The following ROBO2 variants were observed in gnomAD, a reference collection of about 807,000 sequenced individuals.
ROBO2 encodes roundabout homolog 2.
A neutral mutation model predicts 160.8 loss-of-function variants in ROBO2; 53 were observed. The observed-to-expected ratio is 0.33, with a 90% CI of 0.26 to 0.41. The LOEUF is 0.41. Ranked by LOEUF, ROBO2 falls within the 10% of genes least tolerant of loss-of-function variation. ROBO2 has a pLI of 1.00. For missense variants in ROBO2, 1,577 were observed against 1,722.4 expected (o/e 0.92, Z 1.49); for synonymous variants, 664 against 611.7 (o/e 1.09, Z -1.26).
At chr3:77,477,253 T>C (rs1283047352) in intron 2 of ROBO2, among the ~76,000 whole-genome samples, 161 bp from the exon 3 acceptor site, 2 of 152,208 alleles carry the variant, frequency 1.3e-5, no homozygotes, top group African/African-American at 2.4e-5. Context: ...ATCATTTATG[T>C]TGGCTCCAGA....
intron 2 of ROBO2, among the ~76,000 whole-genome samples, chr3:76,896,105 G>A (rs1486428952): frequency 6.6e-6 from 1 of 152,158 alleles, no homozygotes; most frequent in Non-Finnish European, 1.5e-5. Flanking sequence ...GCCTCTGGCA[G>A]AAAGAAAAAC....
At chr3:76,712,972 G>A (rs1021344699) in intron 2 of ROBO2, among the ~76,000 whole-genome samples, 1 of 152,070 alleles carries the variant, frequency 6.6e-6, no homozygotes, top group African/African-American at 2.4e-5. Context: ...GTTTCACAAG[G>A]AGTAAGGACA....
chr3:76,408,897 G>A (rs551174241), intron 2 of ROBO2, among the ~76,000 whole-genome samples: 1 of 151,948 alleles, frequency 6.6e-6, no homozygotes, highest in Non-Finnish European at 1.5e-5. Flanking sequence ...GCCCACTGAA[G>A]TCACTAGCTA....
intron 2 of ROBO2, among the ~76,000 whole-genome samples, chr3:76,466,609 A>AT (rs1003653058): frequency 1.3e-4 from 20 of 151,762 alleles, no homozygotes; most frequent in Non-Finnish European, 4.4e-5. Flanking sequence ...ATTCCTTACG[A>AT]TTTTTTCATA....
At chr3:77,049,446 T>TG (rs1291188790) in intron 1 of ROBO2, among the ~76,000 whole-genome samples, 2 of 152,182 alleles carry the variant, frequency 1.3e-5, no homozygotes, top group African/African-American at 2.4e-5. Context: ...TGTTTTGGTG[T>TG]GGGTTCAATG....
At chr3:77,193,284 A>T (rs969835731) in intron 2 of ROBO2, among the ~76,000 whole-genome samples, 5 of 151,832 alleles carry the variant, frequency 3.3e-5, no homozygotes, top group Non-Finnish European at 7.4e-5. Context: ...TCAAAAAAAA[A>T]AAAAATTTAG....
At chr3:76,640,762 TTAA>T (rs1471551891) in intron 2 of ROBO2, among the ~76,000 whole-genome samples, 1 of 151,942 alleles carries the variant, frequency 6.6e-6, no homozygotes, top group African/African-American at 2.4e-5. Context: ...GGAGAAGTGG[TTAA>T]TTCTGGAGTT....
At chr3:76,538,578 G>GT (rs2082644368) in intron 2 of ROBO2, among the ~76,000 whole-genome samples, 3 of 152,122 alleles carry the variant, frequency 2.0e-5, no homozygotes, top group Admixed American at 6.5e-5. Context: ...AAAACCAATT[G>GT]TTTTTTCTTT....
rs550487323 is a variant in ROBO2 at position 76,440,688 on chromosome 3, G to T, written c.109+503086G>T. On this transcript the variant is annotated intron_variant, in intron 2 of 26. Transcript: ENST00000487694. ...ACATCGTCACACATCATTGGTGAAG[G>T]CCTGCTCCTGGAATCACTAACCCTC... 2.1e-3 allele frequency among the ~76,000 whole-genome samples: 321 copies of T among 152,186 alleles called. 5 individuals carry two copies. Among genetic ancestry groups the T allele is most frequent in the Admixed American group, 3.2e-3 (49 of 15,264 alleles).
intron 23 of ROBO2, among the ~76,000 whole-genome samples, chr3:77,626,711 C>T (rs998730086): frequency 3.3e-5 from 5 of 152,108 alleles, no homozygotes; most frequent in African/African-American, 4.8e-5. Context: ...ATGCCCTCAA[C>T]GTGTAGCAAA....
At chr3:76,611,745 TTTTC>T (rs949287201) in intron 2 of ROBO2, among the ~76,000 whole-genome samples, 3 of 152,148 alleles carry the variant, frequency 2.0e-5, no homozygotes, top group African/African-American at 4.8e-5. Context: ...ATTTGTATTG[TTTTC>T]TTTCTTTCAT....
At chr3:77,106,197 C>T (rs985173895) in intron 2 of ROBO2, among the ~76,000 whole-genome samples, 20 of 152,142 alleles carry the variant, frequency 1.3e-4, no homozygotes, top group Admixed American at 2.6e-4. Flanking sequence ...CAGGTGCCAC[C>T]AAACCTGGCT....
chr3:76,371,698 A>G (rs2108484804), intron 2 of ROBO2, among the ~76,000 whole-genome samples: 1 of 152,050 alleles, frequency 6.6e-6, no homozygotes, highest in Admixed American at 6.6e-5. Flanking sequence ...AACATCACTT[A>G]AAAAATGTAT....
chr3:76,528,971 A>G (rs893388869), intron 2 of ROBO2, among the ~76,000 whole-genome samples: 3 of 152,152 alleles, frequency 2.0e-5, no homozygotes, highest in Non-Finnish European at 2.9e-5. Flanking sequence ...TGGGAGAATT[A>G]GCAGTGAATT....
chr3:76,561,805 G>C (rs1405974208), intron 2 of ROBO2, among the ~76,000 whole-genome samples: 1 of 152,076 alleles, frequency 6.6e-6, no homozygotes, highest in Non-Finnish European at 1.5e-5. Flanking sequence ...AAAGGCACTT[G>C]CTCTTACACT....
chr3:76,881,911 C>G (rs2073371791), intron 2 of ROBO2, among the ~76,000 whole-genome samples: 1 of 151,910 alleles, frequency 6.6e-6, no homozygotes, highest in African/African-American at 2.4e-5. Flanking sequence ...GCAGGATCAC[C>G]AGGGTGTCTG....
intron 2 of ROBO2, among the ~76,000 whole-genome samples, chr3:76,086,491 G>C (rs1259885579): frequency 1.3e-5 from 2 of 152,040 alleles, no homozygotes; most frequent in Non-Finnish European, 2.9e-5. Flanking sequence ...GTTGTGGATG[G>C]GGCTGAGAAG....
At chr3:76,713,518 T>C (rs951418862) in intron 2 of ROBO2, among the ~76,000 whole-genome samples, 1 of 152,292 alleles carries the variant, frequency 6.6e-6, no homozygotes. Flanking sequence ...AATATTCAAA[T>C]GAGTGTCAAA....
chr3:76,976,080 GT>G (rs2059803140), intron 2 of ROBO2, among the ~76,000 whole-genome samples: 1 of 152,126 alleles, frequency 6.6e-6, no homozygotes, highest in South Asian at 2.1e-4. Context: ...TGGTGTTTTG[GT>G]TAGATAGAGA....
Sources: gnomAD v4.1 joint callset for allele counts (sites outside exome capture counted in the v4.1 genomes callset) on GRCh38, gnomAD v4.1.1 for gene constraint, MANE v1.5 for transcripts, NCBI Gene and HGNC (gene_info 2026-07-23, HGNC 2026-07-21) for gene names.